PSORS1C1: variants seen among roughly 807,000 people sequenced by gnomAD.
PSORS1C1 encodes the protein psoriasis susceptibility 1 candidate gene 1 protein.
A neutral mutation model predicts 9.4 loss-of-function variants in PSORS1C1; 7 were observed. The ratio of observed to expected loss-of-function variants is 0.75; its 90% CI spans 0.42 to 1.40. PSORS1C1 has a LOEUF of 1.40. Among genes scored for constraint, PSORS1C1 ranks in the 40% most tolerant of loss-of-function variants. PSORS1C1 has a pLI of 0.01. For missense variants in PSORS1C1, 146 were observed against 178.1 expected (o/e 0.82, Z 1.02); for synonymous variants, 63 against 69.4 (o/e 0.91, Z 0.46).
In PSORS1C1 at chr6:31,128,813, GC is replaced by G. The variant is rs1310729650; in HGVS notation, c.-64-751del. On this transcript the variant is annotated intron_variant, in intron 2 of 5. Coordinates refer to ENST00000259881, the MANE Select transcript of PSORS1C1 (RefSeq NM_014068.3). The surrounding 1 kb of genome is among the most constrained non-coding windows in gnomAD (Gnocchi z 4.3). ...CTCCTGGGCTCCTACGTCAGGGTTT[GC>G]CCCCTCTCTAATTTAACTTTTTATC... 2.0e-5 allele frequency among the ~76,000 whole-genome samples: 3 copies of G among 152,268 alleles called. No homozygotes were observed. The highest frequency in any genetic ancestry group is 4.4e-5 in the Non-Finnish European group (3 of 68,014).
chr6:31,115,362 A>C lies in PSORS1C1; in HGVS notation c.-229+471A>C. The C allele has an allele frequency of 5.7e-6, 1 of 175,078 alleles. No individual in the cohort carries two copies. The highest frequency in any genetic ancestry group is 1.2e-5 in the Non-Finnish European group (1 of 81,474). The allele number at this position is 175,078 out of a possible 1,614,324, so 10.8% of individuals were successfully genotyped here. The stretch of plus-strand genomic sequence containing the variant: ...CTGAGGGTGCCCCAGTGTCTCCCTC[A>C]CCCAGGGAATCATCTGAGCACTGAG... On this transcript the variant is annotated intron_variant, in intron 1 of 5. Coordinates refer to ENST00000259881, the MANE Select transcript of PSORS1C1 (RefSeq NM_014068.3). This position sits in a 1 kb window ranked among gnomAD's most constrained non-coding sequence, Gnocchi z 4.2.
chr6:31,133,646 T>C (rs1434782535), intron 3 of PSORS1C1: 1 of 152,272 alleles, frequency 6.6e-6, no homozygotes, highest in Non-Finnish European at 1.5e-5. Flanking sequence ...CCAAGGCTAT[T>C]ACGTTGGCGC....
chr6:31,124,416 TC>T (rs2150965132), intron 1 of PSORS1C1, among the ~76,000 whole-genome samples: 1 of 152,292 alleles, frequency 6.6e-6, no homozygotes, highest in South Asian at 2.1e-4. Flanking sequence ...AAGTGCTTTT[TC>T]CCCCTGTTTC....
At position 31,128,039 on chromosome 6, in the gene PSORS1C1, A is replaced by T. The variant is rs9263716; in HGVS notation, c.-64-1530A>T. Among the ~76,000 whole-genome samples the T allele has an allele frequency of 0.24, 36,936 of 152,042 alleles. 4,840 individuals are homozygous for T. The highest frequency in any genetic ancestry group is 0.37 in the Middle Eastern group (110 of 294). On this transcript the variant is annotated intron_variant, in intron 2 of 5. Coordinates refer to ENST00000259881, the MANE Select transcript of PSORS1C1 (RefSeq NM_014068.3). The surrounding 1 kb of genome is among the most constrained non-coding windows in gnomAD (Gnocchi z 4.3). Reference sequence around the variant, plus strand: ...CCTGTAGACCGCTGGCTCATGAAATAATCAGGGAGAGAATGTGTAAATGAT... The same window carrying T: ...CCTGTAGACCGCTGGCTCATGAAATTATCAGGGAGAGAATGTGTAAATGAT...
intron 1 of PSORS1C1, chr6:31,117,241 A>G (rs1562753122): frequency 6.2e-7 from 1 of 1,612,700 alleles, no homozygotes; most frequent in Admixed American, 1.7e-5. Flanking sequence ...TGCACCTTGT[A>G]GACTAGAGCC....
In PSORS1C1 at chr6:31,128,351, G is replaced by C. The variant is rs3909111; in HGVS notation, c.-64-1218G>C. 0.1 allele frequency among the ~76,000 whole-genome samples: 15,385 copies of C among 152,118 alleles called. 919 individuals are homozygous for C. The highest frequency in any genetic ancestry group is 0.19 in the South Asian group (924 of 4,810). Reference sequence around the variant, plus strand: ...GCTACCTTGGCTCTCAGCATTGCACGGGAGTTTAGAGGTTATTAAAGAAAT... The same window carrying C: ...GCTACCTTGGCTCTCAGCATTGCACCGGAGTTTAGAGGTTATTAAAGAAAT... On this transcript the variant is annotated intron_variant, in intron 2 of 5. Coordinates refer to ENST00000259881, the MANE Select transcript of PSORS1C1 (RefSeq NM_014068.3). The surrounding 1 kb of genome is among the most constrained non-coding windows in gnomAD (Gnocchi z 4.3).
chr6:31,134,446 GCGC>G (rs1773054333), intron 3 of PSORS1C1, among the ~76,000 whole-genome samples: 2 of 152,086 alleles, frequency 1.3e-5, no homozygotes, highest in South Asian at 4.2e-4. Context: ...GGGACTACAG[GCGC>G]CGGCCACCAT....
chr6:31,134,549 C>T (rs931365407), intron 3 of PSORS1C1, among the ~76,000 whole-genome samples: 2 of 152,184 alleles, frequency 1.3e-5, no homozygotes, highest in Non-Finnish European at 2.9e-5. Context: ...TCGTGATTCG[C>T]CCGCCTTGGC....
chr6:31,138,512 G>A (rs1773278661), intron 4 of PSORS1C1, 53 bp downstream of exon 4: 1 of 1,607,200 alleles, frequency 6.2e-7, no homozygotes, highest in Non-Finnish European at 8.5e-7. Flanking sequence ...CCCTACCCCC[G>A]ATGGATCTGA....
At chr6:31,123,896 C>T (rs1183927158) in intron 1 of PSORS1C1, among the ~76,000 whole-genome samples, 1 of 152,198 alleles carries the variant, frequency 6.6e-6, no homozygotes, top group Non-Finnish European at 1.5e-5. Flanking sequence ...CGGGTAGGCA[C>T]TTGGCTTCAG....
In PSORS1C1 at chr6:31,115,866, A is replaced by C; in HGVS notation, c.-229+975A>C. The C allele has an allele frequency of 1.6e-6, 1 of 633,430 alleles. No homozygotes were observed. Among genetic ancestry groups the C allele is most frequent in the Non-Finnish European group, 2.8e-6 (1 of 352,812 alleles). The allele number at this position is 633,430 out of a possible 1,614,324, so 39.2% of individuals were successfully genotyped here. On this transcript the variant is annotated intron_variant, in intron 1 of 5. Coordinates refer to ENST00000259881, the MANE Select transcript of PSORS1C1 (RefSeq NM_014068.3). This position sits in a 1 kb window ranked among gnomAD's most constrained non-coding sequence, Gnocchi z 4.2. ...GAAGGAGGAAGGGGTGATAAGAGAG[A>C]GTCTGCAACCTTGGGGTAGTGGAGA...
chr6:31,139,250 T>C lies in PSORS1C1; in HGVS notation c.168-391T>C. ...CAGCCCAGGACCCAGCTGCCTGCTC[T>C]CCCTATCATGACCCAGAGCCTGCGT... is the stretch of plus-strand genomic sequence containing the variant. On this transcript the variant is annotated intron_variant, in intron 5 of 5. Transcript: ENST00000259881. The surrounding 1 kb of genome is among the most constrained non-coding windows in gnomAD (Gnocchi z 5.2). 1 of 586,652 alleles carries C rather than the reference T, an allele frequency of 1.7e-6. No individual in the cohort carries two copies. Among genetic ancestry groups the C allele is most frequent in the Non-Finnish European group, 3.0e-6 (1 of 329,676 alleles). 36.3% of individuals were successfully genotyped at this position (586,652 alleles called of 1,614,324 possible). A position where few individuals can be genotyped will look rare whatever the true frequency, so the allele number is the denominator to read the frequency against.
In PSORS1C1 at chr6:31,139,972, C is replaced by T; in HGVS notation, c.*40C>T. On this transcript the variant is annotated 3_prime_UTR_variant, in exon 6 of 6. Coordinates refer to ENST00000259881, the MANE Select transcript of PSORS1C1 (RefSeq NM_014068.3). The surrounding 1 kb of genome is among the most constrained non-coding windows in gnomAD (Gnocchi z 5.2). Reference sequence around the variant, plus strand: ...CCCCTAGAACGTTTCCCTCAAGGACCTTTCTGCCTGGAAGTCTGTTAGCCT... The same window carrying T: ...CCCCTAGAACGTTTCCCTCAAGGACTTTTCTGCCTGGAAGTCTGTTAGCCT... 1 of 1,563,608 alleles carries T rather than the reference C, an allele frequency of 6.4e-7. No homozygotes were observed. Among genetic ancestry groups the T allele is most frequent in the African/African-American group, 1.4e-5 (1 of 73,634 alleles).
At chr6:31,127,525 C>A (rs926282282) in intron 2 of PSORS1C1, among the ~76,000 whole-genome samples, 13 of 150,430 alleles carry the variant, frequency 8.6e-5, no homozygotes, top group African/African-American at 2.7e-4. Flanking sequence ...CCATGCAGGA[C>A]TGATCTCCAT....
chr6:31,138,722 G>GT lies in PSORS1C1; in HGVS notation c.111dup (p.Pro38SerfsTer5). 1 of 1,608,332 alleles carries GT rather than the reference G, an allele frequency of 6.2e-7. No individual in the cohort carries two copies. Among genetic ancestry groups the GT allele is most frequent in the South Asian group, 1.1e-5 (1 of 90,724 alleles). On this transcript the variant is annotated frameshift_variant, in exon 5 of 6. Transcript: ENST00000259881. LOFTEE classifies it high-confidence loss of function. ...ACAGATCCCAGCTCCGAGGAAACTC[G>GT]TCCCCCCCACGTTAATCCTGACCGA...
chr6:31,124,070 C>G (rs978068796), intron 1 of PSORS1C1, among the ~76,000 whole-genome samples: 1 of 152,134 alleles, frequency 6.6e-6, no homozygotes, highest in Non-Finnish European at 1.5e-5. Flanking sequence ...GGAGAAGGGA[C>G]AGGCTGCTTG....
intron 1 of PSORS1C1, among the ~76,000 whole-genome samples, chr6:31,121,034 C>T (rs934616700): frequency 2.0e-5 from 3 of 151,464 alleles, no homozygotes; most frequent in African/African-American, 7.3e-5. Context: ...TCCCCAAGTA[C>T]CAGGCCAGCC....
At chr6:31,117,754 G>T in intron 1 of PSORS1C1, 1 of 578,574 alleles carries the variant, frequency 1.7e-6, no homozygotes, top group Non-Finnish European at 3.1e-6. Flanking sequence ...ACACCAACCA[G>T]AAAAATAGAA....
chr6:31,138,166 G>A (rs766613969), intron 3 of PSORS1C1: 1 of 1,594,212 alleles, frequency 6.3e-7, no homozygotes, highest in Non-Finnish European at 8.5e-7. Flanking sequence ...GGGCGGGTAG[G>A]CGGAGGATCT....
Sources: allele counts gnomAD v4.1 joint callset (sites outside exome capture counted in the v4.1 genomes callset), GRCh38; gene constraint gnomAD v4.1.1; non-coding constraint Gnocchi (gnomAD v3.1); transcripts MANE v1.5; gene names NCBI Gene and HGNC (gene_info 2026-07-23, HGNC 2026-07-21).